Variants in KAZN observed in about 807,000 individuals in gnomAD.
KAZN encodes kazrin, periplakin interacting protein, also known as kazrin.
A neutral mutation model predicts 87.4 loss-of-function variants in KAZN; 40 were observed. The ratio of observed to expected loss-of-function variants is 0.46; its 90% CI spans 0.36 to 0.60. KAZN has a LOEUF of 0.60. Among genes scored for constraint, KAZN ranks in the 20% least tolerant of loss-of-function variants. KAZN has a pLI of 0.00. For missense variants in KAZN, 898 were observed against 1,073.9 expected, an observed-to-expected ratio of 0.84 and a Z score of 2.29; for synonymous variants, 466 against 458.3, an observed-to-expected ratio of 1.02 and a Z score of -0.22.
At chr1:14,805,123 G>A (rs2100757947) in intron 1 of KAZN, among the ~76,000 whole-genome samples, 1 of 152,328 alleles carries the variant, frequency 6.6e-6, no homozygotes, top group East Asian at 1.9e-4. Context: ...GGGTATAGGT[G>A]AAGGTGCTGG....
At chr1:13,931,833 G>C (rs1269953017) in intron 1 of KAZN, among the ~76,000 whole-genome samples, 1 of 152,064 alleles carries the variant, frequency 6.6e-6, no homozygotes, top group Non-Finnish European at 1.5e-5. Flanking sequence ...CCTTACAAAG[G>C]TGTATAGCTT....
intron 1 of KAZN, among the ~76,000 whole-genome samples, chr1:14,179,169 T>G (rs1394761239): frequency 6.6e-6 from 1 of 152,098 alleles, no homozygotes; most frequent in East Asian, 1.9e-4. Context: ...AGGCAACCCC[T>G]TTGCAGATCT....
intron 2 of KAZN, among the ~76,000 whole-genome samples, chr1:14,445,718 G>A (rs928486605): frequency 2.0e-5 from 3 of 152,154 alleles, no homozygotes; most frequent in Non-Finnish European, 4.4e-5. Context: ...GAACACCTGA[G>A]GCTCAATGCC....
chr1:14,498,860 C>G (rs1200480899), intron 2 of KAZN, among the ~76,000 whole-genome samples: 1 of 152,014 alleles, frequency 6.6e-6, no homozygotes. Context: ...GACAGTTCCC[C>G]AGGTTCTAGA....
chr1:14,099,709 A>T (rs1644206824), intron 1 of KAZN, among the ~76,000 whole-genome samples: 3 of 152,188 alleles, frequency 2.0e-5, no homozygotes, highest in African/African-American at 7.2e-5. Context: ...TAAAATGCAG[A>T]CACCCCACCC....
intron 1 of KAZN, among the ~76,000 whole-genome samples, chr1:14,622,456 CGA>C (rs947625437): frequency 1.3e-5 from 2 of 151,702 alleles, no homozygotes; most frequent in African/African-American, 4.8e-5. Context: ...TTTGGGAGGC[CGA>C]GGCGGGCGGA....
intron 2 of KAZN, among the ~76,000 whole-genome samples, chr1:14,355,400 ATATTTATT>A (rs58049152): frequency 0.24 from 35,652 of 147,816 alleles, 4,705 homozygotes; most frequent in South Asian, 0.37. Context: ...AACAATCTAC[ATATTTATT>A]TATTTATTTA....
intron 1 of KAZN, among the ~76,000 whole-genome samples, chr1:14,720,537 G>T (rs1012844870): frequency 1.3e-5 from 2 of 152,094 alleles, no homozygotes; most frequent in Non-Finnish European, 2.9e-5. Flanking sequence ...CTGCTAGCTC[G>T]CTCTGACAAA....
chr1:14,416,925 C>T (rs1664815847), intron 2 of KAZN, among the ~76,000 whole-genome samples: 1 of 150,396 alleles, frequency 6.6e-6, no homozygotes, highest in African/African-American at 2.4e-5. Flanking sequence ...CCCTATTCTG[C>T]CTATATATGT....
chr1:14,074,435 G>A (rs191653688), intron 1 of KAZN, among the ~76,000 whole-genome samples: 1 of 152,318 alleles, frequency 6.6e-6, no homozygotes, highest in Non-Finnish European at 1.5e-5. Context: ...CCAGCTGAGG[G>A]GTGGACACAC....
intron 1 of KAZN, among the ~76,000 whole-genome samples, chr1:14,008,026 C>A (rs1008087723): frequency 1.3e-5 from 2 of 152,134 alleles, no homozygotes; most frequent in Non-Finnish European, 1.5e-5. Flanking sequence ...TGATACATTT[C>A]TTTGCTAAAT....
chr1:13,906,888 G>A (rs1639458389), intron 1 of KAZN, among the ~76,000 whole-genome samples: 1 of 152,168 alleles, frequency 6.6e-6, no homozygotes, highest in East Asian at 1.9e-4. Flanking sequence ...TTCATTCCTA[G>A]CGACAGTCAG....
intron 1 of KAZN, among the ~76,000 whole-genome samples, chr1:14,699,791 C>T (rs1219663333): frequency 1.3e-5 from 2 of 152,172 alleles, no homozygotes; most frequent in African/African-American, 4.8e-5. Flanking sequence ...CGGAGTTTGC[C>T]AGTGTCCATG....
intron 4 of KAZN, among the ~76,000 whole-genome samples, chr1:15,050,159 GGAATAGAATAGA>G (rs200138262): frequency 0.048 from 6,255 of 131,320 alleles, 236 homozygotes; most frequent in East Asian, 0.15. Flanking sequence ...AGAATAGAAT[GGAATAGAATAGA>G]ATAGAATAGA....
At chr1:13,964,971 G>T (rs900592017) in intron 1 of KAZN, among the ~76,000 whole-genome samples, 4 of 151,260 alleles carry the variant, frequency 2.6e-5, no homozygotes, top group African/African-American at 9.7e-5. Flanking sequence ...ATAAGAGGGT[G>T]CCAGGTGGAG....
chr1:14,200,880 A>C (rs556398302), intron 2 of KAZN, among the ~76,000 whole-genome samples: 64 of 151,926 alleles, frequency 4.2e-4, no homozygotes, highest in African/African-American at 1.5e-3. Context: ...TAATTTTTTG[A>C]AAGATAAAGC....
intron 2 of KAZN, among the ~76,000 whole-genome samples, chr1:14,504,157 AC>A (rs1349970944): frequency 3.9e-5 from 6 of 152,334 alleles, no homozygotes; most frequent in Non-Finnish European, 7.4e-5. Flanking sequence ...ACAAAGTATC[AC>A]GGTTTGTGTT....
At position 15,077,806 on chromosome 1, in the gene KAZN, G is replaced by A. The variant is rs1035468512; in HGVS notation, c.1222+12053G>A. On this transcript the variant is annotated intron_variant, in intron 8 of 14. Transcript: ENST00000376030. The surrounding 1 kb of genome is among the most constrained non-coding windows in gnomAD (Gnocchi z 4.8). ...GGATGCGGACAGGGGCTCAGAATGA[G>A]GAATGGGGACAAAGACTGGCTTCAT... is the stretch of plus-strand genomic sequence containing the variant. Among the ~76,000 whole-genome samples, 3 of 152,206 alleles carry A rather than the reference G, an allele frequency of 2.0e-5. No individual in the cohort carries two copies. The highest frequency in any genetic ancestry group is 4.4e-5 in the Non-Finnish European group (3 of 68,044).
At chr1:14,407,447 G>C (rs924910854) in intron 2 of KAZN, among the ~76,000 whole-genome samples, 3 of 152,158 alleles carry the variant, frequency 2.0e-5, no homozygotes, top group Non-Finnish European at 4.4e-5. Context: ...TAAATGGGGG[G>C]AAAAAGAGGG....
Sources: gnomAD v4.1 joint callset for allele counts (sites outside exome capture counted in the v4.1 genomes callset) on GRCh38, gnomAD v4.1.1 for gene constraint, Gnocchi (gnomAD v3.1) non-coding constraint, MANE v1.5 for transcripts, NCBI Gene and HGNC (gene_info 2026-07-23, HGNC 2026-07-21) for gene names.